The following POU6F2 variants were observed in gnomAD, a reference collection of about 807,000 sequenced individuals.
POU6F2 encodes the protein POU domain, class 6, transcription factor 2.
POU6F2 carries 31 observed loss-of-function variants against 71.3 expected under a neutral mutation model. The observed-to-expected ratio is 0.43, with a 90% CI of 0.33 to 0.59. POU6F2 has a LOEUF of 0.59. POU6F2 is among the 20% of genes least tolerant of loss of function. The pLI, the probability that POU6F2 is intolerant of heterozygous loss-of-function variation, is 0.04. For missense variants in POU6F2, 783 were observed against 856.8 expected (o/e 0.91, Z 1.07); for synonymous variants, 347 against 355.7 (o/e 0.98, Z 0.27).
chr7:39,233,485 T>C (rs1191108568), intron 4 of POU6F2, among the ~76,000 whole-genome samples: 1 of 152,194 alleles, frequency 6.6e-6, no homozygotes, highest in Non-Finnish European at 1.5e-5. Context: ...ACATTCTCAT[T>C]CTCTGGGACT....
intron 2 of POU6F2, among the ~76,000 whole-genome samples, chr7:39,125,178 C>T (rs1004512491): frequency 3.3e-5 from 5 of 152,074 alleles, no homozygotes; most frequent in Non-Finnish European, 7.3e-5. Flanking sequence ...ACTGTTTGGC[C>T]TGAGATCACG....
chr7:39,411,508 C>T (rs1378473964), intron 6 of POU6F2, among the ~76,000 whole-genome samples: 2 of 151,972 alleles, frequency 1.3e-5, no homozygotes, highest in Non-Finnish European at 1.5e-5. Context: ...AAGTCAAATG[C>T]GTTTGTCCTT....
chr7:39,077,321 G>C (rs1257123167), intron 1 of POU6F2, among the ~76,000 whole-genome samples: 1 of 133,474 alleles, frequency 7.5e-6, no homozygotes, highest in East Asian at 2.0e-4. Flanking sequence ...TAGGGCCAAA[G>C]AAGCTTGTAG....
intron 2 of POU6F2, among the ~76,000 whole-genome samples, chr7:39,167,715 TG>T (rs1793141579): frequency 6.6e-6 from 1 of 152,036 alleles, no homozygotes. Flanking sequence ...ACCAATTTTT[TG>T]TTAGGTTATC....
intron 2 of POU6F2, among the ~76,000 whole-genome samples, chr7:39,164,225 AAAAT>A (rs1355753191): frequency 1.3e-5 from 2 of 151,792 alleles, no homozygotes; most frequent in Non-Finnish European, 2.9e-5. Flanking sequence ...TGTCAATTAA[AAAAT>A]AAATAATAGT....
intron 5 of POU6F2, among the ~76,000 whole-genome samples, chr7:39,363,794 G>A (rs1027683583): frequency 6.6e-6 from 1 of 151,980 alleles, no homozygotes; most frequent in African/African-American, 2.4e-5. Context: ...TTAACCATTG[G>A]AGTTTTCACC....
rs1038138103 is a variant in POU6F2, at chr7:39,466,236, T to C, written c.*1550T>C. ...AAGAAAAAAATATAGAAGGGGCTTA[T>C]CTAACAATCAGAATAGCCTGCAATA... On this transcript the variant is annotated 3_prime_UTR_variant, in exon 10 of 10. Transcript: ENST00000518318. 1.1e-4 allele frequency: 16 copies of C among 152,186 alleles called. No individual in the cohort carries two copies. Among genetic ancestry groups the C allele is most frequent in the African/African-American group, 2.4e-5 (1 of 41,432 alleles). 9.4% of individuals were successfully genotyped at this position (152,186 alleles called of 1,614,324 possible).
At chr7:39,310,623 T>C (rs1437985049) in intron 4 of POU6F2, among the ~76,000 whole-genome samples, 1 of 152,362 alleles carries the variant, frequency 6.6e-6, no homozygotes, top group East Asian at 1.9e-4. Context: ...TTTGTGATGC[T>C]AACAAATAAC....
intron 1 of POU6F2, among the ~76,000 whole-genome samples, chr7:39,060,967 C>A (rs1000479982): frequency 2.7e-5 from 4 of 150,180 alleles, no homozygotes; most frequent in African/African-American, 7.3e-5. Flanking sequence ...AAAAAAAAAA[C>A]TTATTGAAGA....
chr7:38,982,156 G>T (rs1178862668), intron 1 of POU6F2, among the ~76,000 whole-genome samples: 1 of 152,020 alleles, frequency 6.6e-6, no homozygotes, highest in East Asian at 1.9e-4. Context: ...AAACACTGGG[G>T]CTAACCTAAC....
At chr7:39,053,390 T>C (rs933632869) in intron 1 of POU6F2, among the ~76,000 whole-genome samples, 5 of 152,142 alleles carry the variant, frequency 3.3e-5, no homozygotes, top group African/African-American at 1.2e-4. Context: ...GTCTTTTTCC[T>C]TCCTCCTTTC....
intron 5 of POU6F2, among the ~76,000 whole-genome samples, chr7:39,402,405 AT>A (rs74446234): frequency 7.5e-4 from 111 of 147,880 alleles, no homozygotes; most frequent in South Asian, 3.2e-3. Flanking sequence ...TCCTAAAGGA[AT>A]TTTTTTTTTT....
At chr7:39,196,323 A>G (rs1793786599) in intron 2 of POU6F2, among the ~76,000 whole-genome samples, 1 of 152,204 alleles carries the variant, frequency 6.6e-6, no homozygotes, top group South Asian at 2.1e-4. Flanking sequence ...TATTTTATCA[A>G]TTTCCCACCA....
At chr7:39,353,671 C>T (rs1314127554) in intron 5 of POU6F2, among the ~76,000 whole-genome samples, 1 of 152,136 alleles carries the variant, frequency 6.6e-6, no homozygotes, top group Non-Finnish European at 1.5e-5. Flanking sequence ...AATGACTAAG[C>T]AGTGCTGGAG....
chr7:39,015,351 G>T (rs71536622), intron 1 of POU6F2, among the ~76,000 whole-genome samples: 41,037 of 125,744 alleles, frequency 0.33, 6,969 homozygotes, highest in East Asian at 0.69. Flanking sequence ...TATAATAATA[G>T]ATATATATTA....
intron 2 of POU6F2, among the ~76,000 whole-genome samples, chr7:39,119,113 A>G (rs997322532): frequency 1.3e-5 from 2 of 152,192 alleles, no homozygotes; most frequent in African/African-American, 2.4e-5. Context: ...GAGCCATACA[A>G]TGAGACGGGA....
chr7:39,449,798 G>T (rs536761009), intron 7 of POU6F2, among the ~76,000 whole-genome samples: 1 of 151,910 alleles, frequency 6.6e-6, no homozygotes, highest in Non-Finnish European at 1.5e-5. Flanking sequence ...AACTACCAAG[G>T]CATGCAACAA....
intron 6 of POU6F2, among the ~76,000 whole-genome samples, chr7:39,421,792 A>G (rs184471871): frequency 5.3e-5 from 8 of 152,300 alleles, no homozygotes; most frequent in African/African-American, 9.6e-5. Context: ...TGGTTTATTT[A>G]GGAATGTTTA....
At chr7:39,123,799 T>G (rs1481372673) in intron 2 of POU6F2, among the ~76,000 whole-genome samples, 2 of 152,152 alleles carry the variant, frequency 1.3e-5, no homozygotes, top group Non-Finnish European at 2.9e-5. Flanking sequence ...TATTCTTTAT[T>G]TTATTTACAG....
Sources: allele counts gnomAD v4.1 joint callset (sites outside exome capture counted in the v4.1 genomes callset), GRCh38; gene constraint gnomAD v4.1.1; transcripts MANE v1.5; gene names NCBI Gene and HGNC (gene_info 2026-07-23, HGNC 2026-07-21).